The following LGSN variants were observed in gnomAD, a reference collection of about 807,000 sequenced individuals.
LGSN encodes the protein lengsin, lens protein with glutamine synthetase domain.
Under a neutral mutation model 19.5 loss-of-function variants are expected in LGSN, and 21 were observed. The ratio of observed to expected loss-of-function variants is 1.07; its 90% CI spans 0.76 to 1.55. The LOEUF (loss-of-function observed/expected upper bound fraction) is 1.55, where lower values mean the gene tolerates loss of function less well. LGSN is among the 40% of genes most tolerant of loss of function. LGSN has a pLI of 0.00. For missense variants in LGSN, 673 were observed against 608.5 expected (o/e 1.11, Z -1.12); for synonymous variants, 257 against 215.6 (o/e 1.19, Z -1.68).
the LGSN span, among the ~76,000 whole-genome samples, chr6:63,531,657 T>C: frequency 6.6e-6 from 1 of 151,792 alleles, no homozygotes; most frequent in East Asian, 1.9e-4. Flanking sequence ...GCTTGATCAA[T>C]ATTTCATACT....
At chr6:63,465,014 G>A in the LGSN span, among the ~76,000 whole-genome samples, 2 of 131,922 alleles carry the variant, frequency 1.5e-5, no homozygotes, top group Non-Finnish European at 3.2e-5. Flanking sequence ...TGACAAGAGC[G>A]AGATTCTGTC....
the LGSN span, among the ~76,000 whole-genome samples, chr6:63,443,914 C>CAAA: frequency 6.4e-5 from 9 of 141,038 alleles, no homozygotes; most frequent in Non-Finnish European, 7.7e-5. Context: ...CAGCTGTCAC[C>CAAA]AAAAAAAAAA....
At chr6:63,514,502 C>T in the LGSN span, among the ~76,000 whole-genome samples, 1 of 152,232 alleles carries the variant, frequency 6.6e-6, no homozygotes. Flanking sequence ...GCTGGAATTA[C>T]GGGCATGAGC....
the LGSN span, among the ~76,000 whole-genome samples, chr6:63,526,067 G>C: frequency 6.6e-6 from 1 of 152,124 alleles, no homozygotes; most frequent in Non-Finnish European, 1.5e-5. Context: ...GCTCATGCCT[G>C]TAATCCCAAC....
the LGSN span, among the ~76,000 whole-genome samples, chr6:63,505,480 AG>A: frequency 1.4e-5 from 2 of 147,824 alleles, no homozygotes; most frequent in Non-Finnish European, 3.0e-5. Flanking sequence ...CGGGAGGATG[AG>A]GCAGGAAAAT....
chr6:63,456,014 G>A, the LGSN span, among the ~76,000 whole-genome samples: 1 of 152,126 alleles, frequency 6.6e-6, no homozygotes, highest in East Asian at 1.9e-4. Flanking sequence ...TGGATCACAA[G>A]ATCAGGAGTT....
At chr6:63,283,570 A>G (rs1767402928) in intron 3 of LGSN, among the ~76,000 whole-genome samples, 1 of 152,040 alleles carries the variant, frequency 6.6e-6, no homozygotes, top group Admixed American at 6.5e-5. Context: ...TTAAACCTTA[A>G]AACACCACAC....
At chr6:63,357,720 T>A in the LGSN span, among the ~76,000 whole-genome samples, 2 of 152,240 alleles carry the variant, frequency 1.3e-5, no homozygotes, top group Non-Finnish European at 2.9e-5. Context: ...TCATTGTAGA[T>A]TCTGGATATT....
At chr6:63,440,370 G>C in the LGSN span, among the ~76,000 whole-genome samples, 1 of 152,160 alleles carries the variant, frequency 6.6e-6, no homozygotes, top group African/African-American at 2.4e-5. Context: ...CAATCTGTGA[G>C]GCAGGAAACC....
At chr6:63,409,697 T>G in the LGSN span, among the ~76,000 whole-genome samples, 1 of 152,194 alleles carries the variant, frequency 6.6e-6, no homozygotes, top group African/African-American at 2.4e-5. Flanking sequence ...ACAAACAGAC[T>G]TTTTTGCTAC....
At chr6:63,384,489 T>TGTGTG in the LGSN span, among the ~76,000 whole-genome samples, 7 of 131,584 alleles carry the variant, frequency 5.3e-5, no homozygotes, top group South Asian at 5.6e-4. Context: ...AAATAACACC[T>TGTGTG]TGTGTGTGTG....
chr6:63,453,868 A>G, the LGSN span, among the ~76,000 whole-genome samples: 1 of 151,950 alleles, frequency 6.6e-6, no homozygotes, highest in Admixed American at 6.6e-5. Flanking sequence ...GTGTCAGCCA[A>G]GATGGTCTCG....
the LGSN span, among the ~76,000 whole-genome samples, chr6:63,421,971 C>G: frequency 6.6e-6 from 1 of 152,156 alleles, no homozygotes; most frequent in African/African-American, 2.4e-5. Context: ...ATTCAAGAAG[C>G]TGAGTGAAAC....
At chr6:63,345,555 T>G in the LGSN span, among the ~76,000 whole-genome samples, 2 of 152,196 alleles carry the variant, frequency 1.3e-5, no homozygotes, top group African/African-American at 4.8e-5. Flanking sequence ...GTCTTATTAC[T>G]CCACCAATCA....
At chr6:63,540,066 A>T in the LGSN span, among the ~76,000 whole-genome samples, 2 of 152,118 alleles carry the variant, frequency 1.3e-5, no homozygotes, top group African/African-American at 4.8e-5. Context: ...CAATATAGCT[A>T]TGCACCATGC....
the LGSN span, among the ~76,000 whole-genome samples, chr6:63,432,127 AAG>A: frequency 8.1e-6 from 1 of 123,754 alleles, no homozygotes; most frequent in Non-Finnish European, 1.6e-5. Context: ...GAAAGAAAGA[AAG>A]AAAGAAAGAA....
the LGSN span, among the ~76,000 whole-genome samples, chr6:63,453,564 C>T: frequency 2.6e-5 from 4 of 152,044 alleles, no homozygotes; most frequent in East Asian, 5.8e-4. Flanking sequence ...ATAATGTCAA[C>T]TCTGATTTTA....
chr6:63,358,984 G>C, the LGSN span, among the ~76,000 whole-genome samples: 229 of 152,100 alleles, frequency 1.5e-3, 1 homozygote, highest in Admixed American at 3.5e-3. Flanking sequence ...ATAAATAGCT[G>C]TTATTATTTT....
the LGSN span, among the ~76,000 whole-genome samples, chr6:63,451,761 TA>T: frequency 1.3e-4 from 20 of 150,470 alleles, no homozygotes; most frequent in South Asian, 1.7e-3. Flanking sequence ...AAAAATTAAT[TA>T]AAAAAAAAGA....
Sources: allele counts gnomAD v4.1 joint callset (sites outside exome capture counted in the v4.1 genomes callset), GRCh38; gene constraint gnomAD v4.1.1; transcripts MANE v1.5; gene names NCBI Gene and HGNC (gene_info 2026-07-23, HGNC 2026-07-21).